CTNNBL1: variants seen among roughly 807,000 people sequenced by gnomAD.
The protein encoded by CTNNBL1 is beta-catenin-like protein 1.
A neutral mutation model predicts 72.7 loss-of-function variants in CTNNBL1; 31 were observed. That is an observed-to-expected ratio of 0.43 (90% CI 0.32 to 0.58). The LOEUF (loss-of-function observed/expected upper bound fraction) is 0.58. Among genes scored for constraint, CTNNBL1 ranks in the 20% least tolerant of loss-of-function variants. The pLI is 0.08. For missense variants in CTNNBL1, 534 were observed against 725.1 expected (o/e 0.74, Z 3.03); for synonymous variants, 240 against 267.3 (o/e 0.90, Z 1.00).
At chr20:37,835,967 G>T (rs1200293207) in intron 11 of CTNNBL1, among the ~76,000 whole-genome samples, 4 of 152,184 alleles carry the variant, frequency 2.6e-5, no homozygotes, top group Admixed American at 2.0e-4. Flanking sequence ...TTCGTGGAAG[G>T]AATATGGGAA....
chr20:37,774,206 G>A (rs554697942), intron 7 of CTNNBL1, among the ~76,000 whole-genome samples: 3 of 152,042 alleles, frequency 2.0e-5, no homozygotes, highest in Admixed American at 1.3e-4. Context: ...GAGCCACTGC[G>A]CCTGGCCACA....
chr20:37,732,878 G>C lies in CTNNBL1; in HGVS notation c.31-1G>C, dbSNP rs2073141370. 1 of 1,612,880 alleles carries C rather than the reference G, an allele frequency of 6.2e-7. No individual in the cohort carries two copies. Among genetic ancestry groups the C allele is most frequent in the Non-Finnish European group, 8.5e-7 (1 of 1,179,796 alleles). On this transcript the variant is annotated splice_acceptor_variant, in intron 1 of 15. Transcript: ENST00000361383. LOFTEE classifies it high-confidence loss of function. ...AAAATCTTATGTTTCTTTTCTCTCA[G>C]CCCAATAGGGGCACAAAACGTCCCC...
intron 9 of CTNNBL1, among the ~76,000 whole-genome samples, chr20:37,778,005 G>C (rs2073590985): frequency 6.6e-6 from 1 of 152,158 alleles, no homozygotes; most frequent in Non-Finnish European, 1.5e-5. Flanking sequence ...TCTGGGCCAA[G>C]CATACCAAAT....
At chr20:37,860,857 T>C (rs1600535586) in intron 15 of CTNNBL1, among the ~76,000 whole-genome samples, 1 of 152,216 alleles carries the variant, frequency 6.6e-6, no homozygotes, top group Non-Finnish European at 1.5e-5. Context: ...TTTTATTTAG[T>C]TATTGTTGTT....
intron 13 of CTNNBL1, among the ~76,000 whole-genome samples, chr20:37,845,186 G>T (rs1226766050): frequency 6.6e-6 from 1 of 152,152 alleles, no homozygotes; most frequent in African/African-American, 2.4e-5. Context: ...AGAAGAGAGG[G>T]TTGGCACCAT....
At chr20:37,713,414 G>A (rs1213471241) in intron 1 of CTNNBL1, among the ~76,000 whole-genome samples, 2 of 152,190 alleles carry the variant, frequency 1.3e-5, no homozygotes, top group African/African-American at 2.4e-5. Flanking sequence ...TGGGCTCCAT[G>A]TTCTAGTTGT....
chr20:37,734,713 G>A (rs1474242083), intron 2 of CTNNBL1, among the ~76,000 whole-genome samples: 1 of 152,240 alleles, frequency 6.6e-6, no homozygotes, highest in Non-Finnish European at 1.5e-5. Flanking sequence ...ACGTGAACTT[G>A]TAAAATATTA....
At position 37,786,655 on chromosome 20, in the gene CTNNBL1, C is replaced by T. The variant is rs186466415; in HGVS notation, c.1031+7320C>T. Among the ~76,000 whole-genome samples the T allele has an allele frequency of 1.5e-3, 225 of 152,070 alleles. 1 individual carries two copies. The highest frequency in any genetic ancestry group is 6.8e-3 in the Middle Eastern group (2 of 294). On this transcript the variant is annotated intron_variant, in intron 10 of 15. Transcript: ENST00000361383. The stretch of plus-strand genomic sequence containing the variant: ...GCATTTTGTATATTTGTATACCTTT[C>T]CCCCGCCTTTAATTCTTTTTTTCTA...
chr20:37,781,772 A>G (rs903589456), intron 10 of CTNNBL1, among the ~76,000 whole-genome samples: 17 of 152,194 alleles, frequency 1.1e-4, no homozygotes, highest in African/African-American at 4.1e-4. Flanking sequence ...AAGCTGTAAC[A>G]CTAGAAGTTC....
At chr20:37,806,749 G>A (rs1421167683) in intron 11 of CTNNBL1, among the ~76,000 whole-genome samples, 1 of 152,202 alleles carries the variant, frequency 6.6e-6, no homozygotes, top group Non-Finnish European at 1.5e-5. Context: ...AAACTGTCTG[G>A]AAGTCTGCAG....
chr20:37,777,291 G>C, intron 7 of CTNNBL1, 54 bp from the exon 8 acceptor site: 1 of 1,424,604 alleles, frequency 7.0e-7, no homozygotes, highest in South Asian at 1.1e-5. Flanking sequence ...ATTTGTCCTG[G>C]GGAAGGAAGC....
intron 4 of CTNNBL1, among the ~76,000 whole-genome samples, chr20:37,749,382 G>C (rs1420265306): frequency 6.6e-6 from 1 of 152,160 alleles, no homozygotes; most frequent in Non-Finnish European, 1.5e-5. Context: ...GGAGAAGACT[G>C]ACACAAAAAA....
At chr20:37,794,266 T>G (rs2073750782) in intron 10 of CTNNBL1, among the ~76,000 whole-genome samples, 1 of 152,184 alleles carries the variant, frequency 6.6e-6, no homozygotes, top group Non-Finnish European at 1.5e-5. Flanking sequence ...GGTCTACTGG[T>G]GATGACTTCT....
intron 1 of CTNNBL1, among the ~76,000 whole-genome samples, chr20:37,706,757 G>C (rs1009661779): frequency 1.3e-5 from 2 of 152,176 alleles, no homozygotes; most frequent in Non-Finnish European, 2.9e-5. Context: ...ATCTTTTCCA[G>C]AAAGTTTTCA....
intron 10 of CTNNBL1, among the ~76,000 whole-genome samples, chr20:37,785,953 T>G (rs897021013): frequency 6.6e-6 from 1 of 152,254 alleles, no homozygotes; most frequent in African/African-American, 2.4e-5. Flanking sequence ...AGCAGCTGTG[T>G]CTGCATTAGG....
intron 10 of CTNNBL1, among the ~76,000 whole-genome samples, chr20:37,787,494 G>A (rs1473142542): frequency 2.0e-5 from 3 of 151,802 alleles, no homozygotes; most frequent in African/African-American, 4.8e-5. Flanking sequence ...ACAGGCGCCC[G>A]CCACTACGCC....
chr20:37,859,959 C>T lies in CTNNBL1; in HGVS notation c.1453C>T (p.Arg485Cys), dbSNP rs778960495. The change falls in exon 14 of 16, where the codon CGC becomes TGC. Residue 485 changes from arginine (R) to cysteine (C), a missense_variant. Transcript: ENST00000361383. ...NDTEEEFYLRRLDAGLFVLQH... is the reference protein window; with the variant it reads ...NDTEEEFYLRCLDAGLFVLQH... ...CACCGAGGAGGAGTTCTACCTCCGG[C>T]GCCTGGATGCGGGGCTCTTTGTTCT... 2.1e-5 allele frequency: 34 copies of T among 1,614,140 alleles called. No homozygotes were observed. The highest frequency in any genetic ancestry group is 2.5e-5 in the Non-Finnish European group (30 of 1,180,002).
At chr20:37,694,304 C>A in intron 1 of CTNNBL1, 152 bp downstream of exon 1, 1 of 632,282 alleles carries the variant, frequency 1.6e-6, no homozygotes, top group Non-Finnish European at 2.6e-6. Flanking sequence ...TTTTACTTTG[C>A]TCTCCGAAGC....
chr20:37,810,148 A>G (rs2071996953), intron 11 of CTNNBL1, among the ~76,000 whole-genome samples: 1 of 152,216 alleles, frequency 6.6e-6, no homozygotes, highest in African/African-American at 2.4e-5. Flanking sequence ...TTGCTATAAC[A>G]GAATACCTGA....
Sources: gnomAD v4.1 joint callset for allele counts (sites outside exome capture counted in the v4.1 genomes callset) on GRCh38, gnomAD v4.1.1 for gene constraint, MANE v1.5 for transcripts, NCBI Gene and HGNC (gene_info 2026-07-23, HGNC 2026-07-21) for gene names.